PPFIA1: variants seen among roughly 807,000 people sequenced by gnomAD.
PPFIA1 encodes the protein PPFI scaffold protein A1, also known as liprin-alpha-1.
A neutral mutation model predicts 149.9 loss-of-function variants in PPFIA1; 25 were observed. That is an observed-to-expected ratio of 0.17 (90% CI 0.12 to 0.23). The LOEUF is 0.23. Ranked by LOEUF, PPFIA1 falls within the 10% of genes least tolerant of loss-of-function variation. PPFIA1 has a pLI of 1.00. For synonymous variants in PPFIA1, 549 were observed against 552.8 expected, an observed-to-expected ratio of 0.99 and a Z score of 0.10; for missense variants, 1,362 against 1,506.5, an observed-to-expected ratio of 0.90 and a Z score of 1.59.
At chr11:70,375,395 G>A in intron 24 of PPFIA1, 1 of 225,386 alleles carries the variant, frequency 4.4e-6, no homozygotes, top group Non-Finnish European at 8.5e-6. Context: ...TGTGCCACAT[G>A]AAGATTTTAT....
At chr11:70,303,088 T>C (rs2052596942) in intron 2 of PPFIA1, among the ~76,000 whole-genome samples, 1 of 152,200 alleles carries the variant, frequency 6.6e-6, no homozygotes, top group Non-Finnish European at 1.5e-5. Flanking sequence ...ATGCTGAGGC[T>C]TGAGTTTTCA....
At chr11:70,279,151 T>C (rs1591026795) in intron 2 of PPFIA1, 1 of 545,382 alleles carries the variant, frequency 1.8e-6, no homozygotes, top group Admixed American at 2.6e-5. Context: ...ACAGCGGCAG[T>C]CGCGCCCACA....
At chr11:70,361,975 G>A in intron 19 of PPFIA1, 120 bp from the exon 20 acceptor site, 1 of 852,574 alleles carries the variant, frequency 1.2e-6, no homozygotes, top group Admixed American at 2.0e-5. Context: ...TGTCTAGGCT[G>A]GTCTTGAACT....
intron 2 of PPFIA1, among the ~76,000 whole-genome samples, chr11:70,312,282 C>T (rs2053333638): frequency 6.6e-6 from 1 of 151,996 alleles, no homozygotes; most frequent in South Asian, 2.1e-4. Flanking sequence ...CCTTGACTTC[C>T]TGGGCTCAAG....
At chr11:70,339,648 A>G (rs923315410) in intron 14 of PPFIA1, among the ~76,000 whole-genome samples, 36 of 145,918 alleles carry the variant, frequency 2.5e-4, no homozygotes, top group Non-Finnish European at 4.1e-4. Context: ...TTTTCCTTTT[A>G]ATAGGAATTC....
rs144241004 is a variant in PPFIA1 at position 70,280,597 on chromosome 11, G to A, written c.264+8161G>A. Among the ~76,000 whole-genome samples the A allele has an allele frequency of 4.1e-3, 618 of 152,206 alleles. 4 individuals carry two copies. Among genetic ancestry groups the A allele is most frequent in the Non-Finnish European group, 7.3e-3 (494 of 68,004 alleles). ...GGAAAAAGAAAAAGACAGGCACCCT[G>A]TTGTTGCCGAGGCTGCAGTGCAGTG... On this transcript the variant is annotated intron_variant, in intron 2 of 27. Transcript: ENST00000253925.
Position 70,326,591 on chromosome 11 carries a change from T to C in PPFIA1, c.709-6T>C, listed in dbSNP as rs752189523. Reference sequence around the variant, plus strand: ...GTATTTAAGGATTTTTTTTTCCCCCTATCAGAGATCTTCTGATGGTTCTTT... The same window carrying C: ...GTATTTAAGGATTTTTTTTTCCCCCCATCAGAGATCTTCTGATGGTTCTTT... On this transcript the variant is annotated splice_polypyrimidine_tract_variant and splice_region_variant and intron_variant, in intron 6 of 27. Transcript: ENST00000253925. The C allele has an allele frequency of 5.6e-6, 9 of 1,602,222 alleles. No homozygotes were observed. Among genetic ancestry groups the C allele is most frequent in the Admixed American group, 3.4e-5 (2 of 59,240 alleles).
At chr11:70,344,525 G>A (rs1417867513) in intron 15 of PPFIA1, among the ~76,000 whole-genome samples, 1 of 152,206 alleles carries the variant, frequency 6.6e-6, no homozygotes, top group Non-Finnish European at 1.5e-5. Flanking sequence ...ACCCTGAAAG[G>A]AGCGCGTTGC....
rs539646319 is a variant in PPFIA1 at position 70,369,588 on chromosome 11, A to G, written c.2866-2627A>G. Among the ~76,000 whole-genome samples, 10 of 152,294 alleles carry G rather than the reference A, an allele frequency of 6.6e-5. No individual in the cohort carries two copies. In the East Asian group the frequency reaches 9.7e-4, roughly 15 times the overall value. Reference sequence around the variant, plus strand: ...TTTGGTAGAATTCACCAGTGAAGCTATCTTGGGTAGAGATTTTCTTTTTTG... The same window carrying G: ...TTTGGTAGAATTCACCAGTGAAGCTGTCTTGGGTAGAGATTTTCTTTTTTG... On this transcript the variant is annotated intron_variant, in intron 21 of 27. Transcript: ENST00000253925.
intron 2 of PPFIA1, among the ~76,000 whole-genome samples, chr11:70,294,657 A>C (rs2051773362): frequency 6.6e-6 from 1 of 151,648 alleles, no homozygotes; most frequent in South Asian, 2.1e-4. Context: ...CAGATAAACA[A>C]GTGAACAAAG....
At chr11:70,279,970 G>A (rs1359261662) in intron 2 of PPFIA1, among the ~76,000 whole-genome samples, 2 of 148,492 alleles carry the variant, frequency 1.3e-5, no homozygotes, top group Non-Finnish European at 3.0e-5. Context: ...GTGTAGTGGT[G>A]CAGTCTCAGC....
intron 2 of PPFIA1, among the ~76,000 whole-genome samples, chr11:70,292,456 C>T (rs2051601315): frequency 6.6e-6 from 1 of 152,218 alleles, no homozygotes. Flanking sequence ...ACTCGCATGT[C>T]CCCTTTCCCT....
In PPFIA1 at chr11:70,348,301, C is replaced by A; in HGVS notation, c.2044C>A (p.Pro682Thr). 6.2e-7 allele frequency: 1 copy of A among 1,614,092 alleles called. No homozygotes were observed. The highest frequency in any genetic ancestry group is 2.2e-5 in the East Asian group (1 of 44,874). Residue 682 changes from proline to threonine, a missense_variant, in exon 16 of 28, where the codon CCC becomes ACC. This residue lies in a region of PPFIA1 where 733 missense variants were observed against 744.1 expected (regional missense o/e 0.99). Coordinates refer to ENST00000253925, the MANE Select transcript of PPFIA1 (RefSeq NM_003626.5). ...TCGTTTTAGATCAATGAGCTCCATTCCCCCCTACCCTGCTTCCTCGCTTGC... is the reference window on the plus strand; with the variant it reads ...TCGTTTTAGATCAATGAGCTCCATTACCCCCTACCCTGCTTCCTCGCTTGC... ...LGRFRSMSSI[P>T]PYPASSLASS...
chr11:70,284,552 G>A (rs1300198364), intron 2 of PPFIA1, among the ~76,000 whole-genome samples: 2 of 152,172 alleles, frequency 1.3e-5, no homozygotes, highest in Non-Finnish European at 2.9e-5. Flanking sequence ...CTCAAAGCAG[G>A]TGCAGGTTGC....
chr11:70,355,546 A>G, intron 17 of PPFIA1, 93 bp from the exon 18 acceptor site: 1 of 1,204,286 alleles, frequency 8.3e-7, no homozygotes, highest in Non-Finnish European at 1.2e-6. Context: ...TGTGTGAAAG[A>G]GACTGGAAGT....
intron 8 of PPFIA1, among the ~76,000 whole-genome samples, chr11:70,331,514 G>T (rs1251126799): frequency 5.3e-5 from 8 of 151,964 alleles, no homozygotes; most frequent in Non-Finnish European, 1.0e-4. Flanking sequence ...GCACAGTGGC[G>T]CACACCTGTA....
intron 2 of PPFIA1, among the ~76,000 whole-genome samples, chr11:70,290,594 G>A (rs1346563449): frequency 1.3e-5 from 2 of 152,206 alleles, no homozygotes; most frequent in Non-Finnish European, 2.9e-5. Context: ...AGGTTCTCTT[G>A]GCAGGGGAGG....
intron 2 of PPFIA1, among the ~76,000 whole-genome samples, chr11:70,311,532 A>T (rs936230388): frequency 1.3e-5 from 2 of 152,166 alleles, no homozygotes; most frequent in African/African-American, 4.8e-5. Flanking sequence ...CAACCAGTCC[A>T]TCACAGGCCA....
intron 2 of PPFIA1, among the ~76,000 whole-genome samples, chr11:70,308,410 T>C (rs1201929423): frequency 6.6e-6 from 1 of 152,194 alleles, no homozygotes; most frequent in Non-Finnish European, 1.5e-5. Context: ...TTGAAGACAG[T>C]TTATGATTCA....
Sources: gnomAD v4.1 joint callset for allele counts (sites outside exome capture counted in the v4.1 genomes callset) on GRCh38, gnomAD v4.1.1 for gene constraint, gnomAD v4.1.1 regional missense constraint, MANE v1.5 for transcripts, NCBI Gene and HGNC (gene_info 2026-07-23, HGNC 2026-07-21) for gene names.